Variants in ZDHHC11B observed in about 807,000 individuals in gnomAD.
ZDHHC11B encodes the protein probable palmitoyltransferase ZDHHC11B.
In ZDHHC11B, 17 loss-of-function variants were observed where a neutral mutation model predicts 42.3. That is an observed-to-expected ratio of 0.40 (90% CI 0.27 to 0.60). The LOEUF is 0.60. Ranked by LOEUF, ZDHHC11B falls within the 20% of genes least tolerant of loss-of-function variation. The pLI, the probability that ZDHHC11B is intolerant of heterozygous loss-of-function variation, is 0.41. For missense variants in ZDHHC11B, 262 were observed against 463.2 expected (o/e 0.57, Z 3.99); for synonymous variants, 123 against 193.5 (o/e 0.64, Z 3.02).
At chr5:767,254 CG>C (rs1465769201) in intron 3 of ZDHHC11B, 137 bp downstream of exon 3, 1 of 1,070,366 alleles carries the variant, frequency 9.3e-7, no homozygotes, top group African/African-American at 1.6e-5. Context: ...CTGAAAGCAA[CG>C]GGAAGACCTG....
intron 1 of ZDHHC11B, among the ~76,000 whole-genome samples, chr5:773,397 A>C (rs1314002978): frequency 2.0e-5 from 3 of 151,866 alleles, no homozygotes; most frequent in African/African-American, 7.3e-5. Context: ...AGACTCCAGG[A>C]AGACAAACTG....
chr5:761,987 A>G (rs1276232520), intron 4 of ZDHHC11B, among the ~76,000 whole-genome samples: 1 of 132,468 alleles, frequency 7.5e-6, no homozygotes, highest in Non-Finnish European at 1.6e-5. Flanking sequence ...CACAGCCATG[A>G]TGGCCACTCA....
At position 731,295 on chromosome 5, in the gene ZDHHC11B, G is replaced by C. The variant is rs555651915; in HGVS notation, c.1024-827C>G. 3.8e-4 allele frequency among the ~76,000 whole-genome samples: 57 copies of C among 149,676 alleles called. 2 individuals are homozygous for C. In the South Asian group the frequency reaches 0.012, roughly 31 times the overall value. ...GGGTCTTGCTATGTTGCCCATAGTG[G>C]TCTCAAACTCCTGGCCTCAAGGGAT... On this transcript the variant is annotated intron_variant, in intron 11 of 13. Coordinates refer to ENST00000508859, the MANE Select transcript of ZDHHC11B (RefSeq NM_001351303.2).
chr5:735,898 G>A (rs1743460247), intron 10 of ZDHHC11B, among the ~76,000 whole-genome samples: 1 of 148,166 alleles, frequency 6.7e-6, no homozygotes, highest in African/African-American at 2.5e-5. Flanking sequence ...TGAGAAAACA[G>A]TAACACAAAT....
At chr5:739,396 TCAAACAAACAAA>T (rs70955296) in intron 10 of ZDHHC11B, among the ~76,000 whole-genome samples, 1 of 149,160 alleles carries the variant, frequency 6.7e-6, no homozygotes, top group African/African-American at 2.5e-5. Flanking sequence ...AGACTCTGTC[TCAAACAAACAAA>T]CAAACAAACA....
chr5:780,557 A>G (rs1412171576), intron 1 of ZDHHC11B, among the ~76,000 whole-genome samples: 2 of 142,784 alleles, frequency 1.4e-5, no homozygotes, highest in Non-Finnish European at 3.0e-5. Flanking sequence ...GTGCTCAGGA[A>G]TTGCAGCTTC....
At chr5:777,191 C>G (rs1483577255) in intron 1 of ZDHHC11B, among the ~76,000 whole-genome samples, 2 of 151,902 alleles carry the variant, frequency 1.3e-5, no homozygotes, top group Non-Finnish European at 2.9e-5. Flanking sequence ...TTCGTGGTCT[C>G]GCTGACTTTA....
At chr5:776,964 C>G (rs1357552480) in intron 1 of ZDHHC11B, among the ~76,000 whole-genome samples, 2 of 151,938 alleles carry the variant, frequency 1.3e-5, no homozygotes, top group Non-Finnish European at 2.9e-5. Context: ...GCAGGCAGAG[C>G]TCCCAATCAG....
chr5:718,366 AGAG>A, intron 12 of ZDHHC11B, among the ~76,000 whole-genome samples: 1 of 151,716 alleles, frequency 6.6e-6, no homozygotes, highest in Admixed American at 6.6e-5. Flanking sequence ...CATGTATGGG[AGAG>A]TGCTTGAAGA....
chr5:724,519 G>T (rs1368788750), intron 12 of ZDHHC11B, among the ~76,000 whole-genome samples: 4 of 145,434 alleles, frequency 2.8e-5, no homozygotes, highest in Non-Finnish European at 6.0e-5. Context: ...GGGAGTACAG[G>T]TGCCTGCCAC....
chr5:777,855 G>A (rs1736661220), intron 1 of ZDHHC11B, among the ~76,000 whole-genome samples: 1 of 151,906 alleles, frequency 6.6e-6, no homozygotes. Context: ...CGGTCCATGG[G>A]ACCCGGCGGG....
rs570835775 is a variant in ZDHHC11B at position 710,976 on chromosome 5, C to T, written c.*1314G>A. 6.5e-6 allele frequency: 1 copy of T among 153,104 alleles called. No homozygotes were observed. The highest frequency in any genetic ancestry group is 1.5e-5 in the Non-Finnish European group (1 of 68,478). The allele number at this position is 153,104 out of a possible 1,614,324, so 9.5% of individuals were successfully genotyped here. A position where few individuals can be genotyped will look rare whatever the true frequency, so the allele number is the denominator to read the frequency against. On this transcript the variant is annotated 3_prime_UTR_variant, in exon 14 of 14. Coordinates refer to ENST00000508859, the MANE Select transcript of ZDHHC11B (RefSeq NM_001351303.2). Reference sequence around the variant, plus strand: ...ATTTCCCAGTACTGTGCTCCCATTTCCAAATACTGTGCTCCATTTCCCAGT... The same window carrying T: ...ATTTCCCAGTACTGTGCTCCCATTTTCAAATACTGTGCTCCATTTCCCAGT...
At chr5:721,784 C>T (rs1481936264) in intron 12 of ZDHHC11B, among the ~76,000 whole-genome samples, 1 of 151,680 alleles carries the variant, frequency 6.6e-6, no homozygotes, top group East Asian at 1.9e-4. Context: ...TAACTAGAGC[C>T]TTTCGTGGGA....
At chr5:721,962 C>T (rs1285134486) in intron 12 of ZDHHC11B, among the ~76,000 whole-genome samples, 1 of 151,628 alleles carries the variant, frequency 6.6e-6, no homozygotes, top group African/African-American at 2.4e-5. Flanking sequence ...GCTTTTTATG[C>T]CAGTGGGGAG....
chr5:746,162 C>A (rs1282327899), intron 8 of ZDHHC11B, among the ~76,000 whole-genome samples: 1 of 147,836 alleles, frequency 6.8e-6, no homozygotes, highest in African/African-American at 2.5e-5. Context: ...CATGGAGGGG[C>A]CAAACTCTCC....
chr5:721,074 C>T lies in ZDHHC11B; in HGVS notation c.1059-4209G>A, dbSNP rs1282817519. On this transcript the variant is annotated intron_variant, in intron 12 of 13. Transcript: ENST00000508859. ...TGCAGTGAGTTATCACTGTGCACTC[C>T]AGCCTGGGCAACAGACTGAGTCCTG... Among the ~76,000 whole-genome samples the T allele has an allele frequency of 7.2e-5, 11 of 151,760 alleles. 1 individual carries two copies. The highest frequency in any genetic ancestry group is 2.7e-4 in the African/African-American group (11 of 41,266).
chr5:772,744 G>A (rs1736160760), intron 1 of ZDHHC11B, among the ~76,000 whole-genome samples: 1 of 151,786 alleles, frequency 6.6e-6, no homozygotes, highest in Non-Finnish European at 1.5e-5. Context: ...TCTGCACCAA[G>A]GGGTGGAGCA....
chr5:758,663 G>A (rs1045727151), intron 4 of ZDHHC11B, among the ~76,000 whole-genome samples: 5 of 151,742 alleles, frequency 3.3e-5, no homozygotes, highest in Non-Finnish European at 7.4e-5. Context: ...CAAGGGTTCA[G>A]CTGGCAAGGG....
chr5:758,326 C>T (rs532312917), intron 4 of ZDHHC11B, among the ~76,000 whole-genome samples: 15 of 151,968 alleles, frequency 9.9e-5, no homozygotes, highest in South Asian at 2.1e-4. Flanking sequence ...GGCCTCTGCA[C>T]GAGCAGCAGG....
Sources: allele counts gnomAD v4.1 joint callset (sites outside exome capture counted in the v4.1 genomes callset), GRCh38; gene constraint gnomAD v4.1.1; transcripts MANE v1.5; gene names NCBI Gene and HGNC (gene_info 2026-07-23, HGNC 2026-07-21).